HDX: variants seen among roughly 807,000 people sequenced by gnomAD.
HDX encodes the protein highly divergent homeobox.
In HDX, 19 loss-of-function variants were observed where a neutral mutation model predicts 45.2. The ratio of observed to expected loss-of-function variants is 0.42; its 90% CI spans 0.29 to 0.62. HDX has a LOEUF of 0.62. Ranked by LOEUF, HDX falls within the 20% of genes least tolerant of loss-of-function variation. The probability of loss-of-function intolerance (pLI) is 0.20; values close to 1 mark genes in which losing one functional copy is unlikely to be tolerated. For missense variants in HDX, 532 were observed against 493.9 expected (o/e 1.08, Z -0.73); for synonymous variants, 188 against 172.8 (o/e 1.09, Z -0.69).
At chrX:84,400,071 TA>T (rs2147952742) in intron 5 of HDX, among the ~76,000 whole-genome samples, 1 of 110,862 alleles carries the variant, frequency 9.0e-6, no homozygotes, top group East Asian at 2.9e-4. Context: ...CTCAAAATAT[TA>T]GGAGCTATTT....
chrX:84,482,029 G>T (rs764570334), intron 2 of HDX, among the ~76,000 whole-genome samples: 1 of 111,587 alleles, frequency 9.0e-6, no homozygotes, highest in East Asian at 2.8e-4. Context: ...CATCCATGTT[G>T]TTGCAAAGAA....
At chrX:84,482,858 G>A (rs1255236640) in intron 2 of HDX, among the ~76,000 whole-genome samples, 1 of 112,074 alleles carries the variant, frequency 8.9e-6, no homozygotes, top group East Asian at 2.8e-4. Flanking sequence ...TCAAAAGCAA[G>A]TTAGTTACTT....
chrX:84,329,410 T>G (rs887538084), intron 9 of HDX, among the ~76,000 whole-genome samples: 24 of 110,774 alleles, frequency 2.2e-4, no homozygotes, highest in African/African-American at 7.9e-4. Flanking sequence ...TTTTGGCAGT[T>G]TCTTATGAAA....
At chrX:84,397,494 G>A (rs2038593222) in intron 5 of HDX, among the ~76,000 whole-genome samples, 1 of 111,382 alleles carries the variant, frequency 9.0e-6, no homozygotes, top group African/African-American at 3.3e-5. Context: ...GTTTAAGATT[G>A]CAGGAGTCCA....
intron 5 of HDX, among the ~76,000 whole-genome samples, chrX:84,435,618 G>A (rs1393840851): frequency 9.5e-6 from 1 of 104,752 alleles, no homozygotes; most frequent in Non-Finnish European, 2.0e-5. Flanking sequence ...TTGGTGTTTT[G>A]GACATGAAGT....
intron 5 of HDX, among the ~76,000 whole-genome samples, chrX:84,420,095 C>T (rs1001110956): frequency 2.7e-5 from 3 of 111,769 alleles, no homozygotes; most frequent in Non-Finnish European, 5.6e-5. Flanking sequence ...TTCCCAGACA[C>T]TGAAAAACAT....
At chrX:84,491,925 A>G (rs2040900847) in intron 1 of HDX, among the ~76,000 whole-genome samples, 1 of 111,500 alleles carries the variant, frequency 9.0e-6, no homozygotes, top group African/African-American at 3.3e-5. Context: ...TGTCCTCATC[A>G]GTTTCATCAC....
At chrX:84,424,097 A>G (rs936018987) in intron 5 of HDX, among the ~76,000 whole-genome samples, 2 of 111,627 alleles carry the variant, frequency 1.8e-5, no homozygotes, top group African/African-American at 6.5e-5. Context: ...AAAATATTAG[A>G]AGGAATAAAG....
chrX:84,361,317 C>G, intron 6 of HDX, 149 bp downstream of exon 6: 1 of 400,544 alleles, frequency 2.5e-6, no homozygotes. Flanking sequence ...TATTCCTTAT[C>G]AGATATATGA....
At chrX:84,394,494 T>C (rs890624870) in intron 5 of HDX, among the ~76,000 whole-genome samples, 1 of 111,933 alleles carries the variant, frequency 8.9e-6, no homozygotes, top group Non-Finnish European at 1.9e-5. Flanking sequence ...GAAATTTTTA[T>C]AAATGTATGT....
intron 4 of HDX, among the ~76,000 whole-genome samples, chrX:84,455,618 C>T: frequency 9.0e-6 from 1 of 111,477 alleles, no homozygotes; most frequent in East Asian, 2.8e-4. Context: ...AAGATTTTGG[C>T]CTCAAAGAGG....
At chrX:84,470,256 A>G (rs1424367567) in intron 3 of HDX, among the ~76,000 whole-genome samples, 1 of 111,716 alleles carries the variant, frequency 9.0e-6, no homozygotes, top group Non-Finnish European at 1.9e-5. Context: ...AATATTTTCA[A>G]AGTGCTCTCC....
chrX:84,441,469 C>A (rs191805167), intron 4 of HDX, among the ~76,000 whole-genome samples: 2 of 111,676 alleles, frequency 1.8e-5, no homozygotes, highest in African/African-American at 6.5e-5. Flanking sequence ...ATTCACTATG[C>A]CCTATACTCT....
chrX:84,407,818 G>A (rs753942166), intron 5 of HDX, among the ~76,000 whole-genome samples: 121 of 111,440 alleles, frequency 1.1e-3, no homozygotes, highest in Admixed American at 3.7e-3. Flanking sequence ...TTTTTCCTAT[G>A]ATTGTTGGCC....
chrX:84,416,261 G>A (rs1186925479), intron 5 of HDX, among the ~76,000 whole-genome samples: 1 of 111,300 alleles, frequency 9.0e-6, no homozygotes, highest in East Asian at 2.8e-4. Flanking sequence ...GATATGCCAT[G>A]CTTCCCCATG....
chrX:84,454,795 C>A (rs1242099420), intron 4 of HDX, among the ~76,000 whole-genome samples: 2 of 111,027 alleles, frequency 1.8e-5, no homozygotes, highest in Non-Finnish European at 3.8e-5. Context: ...TCAGGTCTCA[C>A]CCAGCACAGT....
chrX:84,427,415 T>C (rs1475540772), intron 5 of HDX, among the ~76,000 whole-genome samples: 1 of 111,458 alleles, frequency 9.0e-6, no homozygotes, highest in African/African-American at 3.2e-5. Flanking sequence ...ACAATGAACA[T>C]AAACATCACG....
rs2036827990 is a variant in HDX, at chrX:84,330,851, TATTA to T, written c.1824+2904_1824+2907del. Among the ~76,000 whole-genome samples, 5 of 112,345 alleles carry T rather than the reference TATTA, an allele frequency of 4.5e-5. No individual in the cohort carries two copies. In the South Asian group the frequency reaches 1.8e-3, roughly 41 times the overall value. On this transcript the variant is annotated intron_variant, in intron 9 of 10. Coordinates refer to ENST00000373177, the MANE Select transcript of HDX (RefSeq NM_001177479.2). ...TCTTCACAGAGCTGCTTTGCAAGCC[TATTA>T]AATACTTCCTAGATAACAGGCAGTA...
chrX:84,360,970 C>T (rs2037608533), intron 6 of HDX, among the ~76,000 whole-genome samples: 1 of 111,496 alleles, frequency 9.0e-6, no homozygotes, highest in Admixed American at 9.6e-5. Flanking sequence ...TATGATAACT[C>T]TGTGTTAAAC....
Sources: allele counts gnomAD v4.1 joint callset (sites outside exome capture counted in the v4.1 genomes callset), GRCh38; gene constraint gnomAD v4.1.1; transcripts MANE v1.5; gene names NCBI Gene and HGNC (gene_info 2026-07-23, HGNC 2026-07-21).